The following AIF1L variants were observed in gnomAD, a reference collection of about 807,000 sequenced individuals.
The protein encoded by AIF1L is allograft inflammatory factor 1 like, also known as allograft inflammatory factor 1-like.
Under a neutral mutation model 20.7 loss-of-function variants are expected in AIF1L, and 12 were observed. The ratio of observed to expected loss-of-function variants is 0.58; its 90% CI spans 0.37 to 0.94. The LOEUF is 0.94. AIF1L is among the 40% of genes least tolerant of loss of function. The probability of loss-of-function intolerance (pLI) is 0.01; values close to 1 mark genes in which losing one functional copy is unlikely to be tolerated. For missense variants in AIF1L, 173 were observed against 185.3 expected (o/e 0.93, Z 0.39); for synonymous variants, 76 against 65.1 (o/e 1.17, Z -0.81).
At chr9:131,112,964 C>T (rs1830926595) in intron 3 of AIF1L, among the ~76,000 whole-genome samples, 1 of 152,122 alleles carries the variant, frequency 6.6e-6, no homozygotes, top group Non-Finnish European at 1.5e-5. Context: ...CTCATTTGTT[C>T]TCCAAATGCG....
intron 4 of AIF1L, among the ~76,000 whole-genome samples, chr9:131,114,868 A>G (rs749698704): frequency 6.6e-6 from 1 of 152,078 alleles, no homozygotes; most frequent in African/African-American, 2.4e-5. Context: ...ACGGGGACTC[A>G]GGACAGAGGG....
chr9:131,117,877 T>C lies in AIF1L; in HGVS notation c.324T>C (p.Phe108=), dbSNP rs917168943. ...GVSDTISYRD[F]VNMMLGKRSA... ...GTGACACTATATCCTACCGAGACTT[T>C]GTGAACATGATGCTGGGGAAACGGT... The change falls in exon 5 of 6, where the codon TTT becomes TTC. Residue 108 remains phenylalanine, a synonymous_variant. Transcript: ENST00000247291. 1.9e-6 allele frequency: 3 copies of C among 1,613,136 alleles called. No individual in the cohort carries two copies. Among genetic ancestry groups the C allele is most frequent in the African/African-American group, 1.3e-5 (1 of 74,842 alleles).
At chr9:131,102,423 T>C (rs1167130555) in intron 2 of AIF1L, among the ~76,000 whole-genome samples, 3 of 152,210 alleles carry the variant, frequency 2.0e-5, no homozygotes, top group Non-Finnish European at 4.4e-5. Context: ...GGCGAATGTA[T>C]GCAGCTGGCA....
rs543110553 is a variant in AIF1L at position 131,120,450 on chromosome 9, T to C, written c.*128T>C. 2 of 797,892 alleles carry C rather than the reference T, an allele frequency of 2.5e-6. No individual in the cohort carries two copies. Among genetic ancestry groups the C allele is most frequent in the South Asian group, 2.0e-5 (1 of 50,062 alleles). The allele number at this position is 797,892 out of a possible 1,614,324, so 49.4% of individuals were successfully genotyped here. ...CATTGAGGGTTTGTTTGTGTTTTCA[T>C]CAATGTCTTTGTAAAGCACAAATTA... On this transcript the variant is annotated 3_prime_UTR_variant, in exon 6 of 6. Transcript: ENST00000247291.
Position 131,120,795 on chromosome 9 carries a change from G to T in AIF1L, c.*473G>T. On this transcript the variant is annotated 3_prime_UTR_variant, in exon 6 of 6. Coordinates refer to ENST00000247291, the MANE Select transcript of AIF1L (RefSeq NM_031426.4). ...TTCGGGTTTCCTTGGACAGTGCCAT[G>T]GCTCCAGTGCTCTGGTGTCACCCAG... is the stretch of plus-strand genomic sequence containing the variant. 2.6e-6 allele frequency: 1 copy of T among 382,842 alleles called. No homozygotes were observed. Among genetic ancestry groups the T allele is most frequent in the Non-Finnish European group, 4.7e-6 (1 of 214,972 alleles). 23.7% of individuals were successfully genotyped at this position (382,842 alleles called of 1,614,324 possible).
At chr9:131,108,482 G>A (rs1304431571) in intron 2 of AIF1L, among the ~76,000 whole-genome samples, 1 of 152,180 alleles carries the variant, frequency 6.6e-6, no homozygotes, top group Non-Finnish European at 1.5e-5. Flanking sequence ...TTACAGACGT[G>A]AGCCACTCAC....
At position 131,111,653 on chromosome 9, in the gene AIF1L, A is replaced by G; in HGVS notation, c.150A>G (p.Thr50=). Residue 50 remains threonine (T), a synonymous_variant, in exon 3 of 6, where the codon ACA becomes ACG. Coordinates refer to ENST00000247291, the MANE Select transcript of AIF1L (RefSeq NM_031426.4). ...AAGAGAACCTTCCAGAAAAGCTCAC[A>G]GCCTTCAAAGGTAAGCTGGGGCGGG... The part of the protein sequence containing the change: ...SDEENLPEKL[T]AFKEKYMEFD... The G allele has an allele frequency of 1.2e-6, 2 of 1,614,032 alleles. No individual in the cohort carries two copies. Among genetic ancestry groups the G allele is most frequent in the Non-Finnish European group, 1.7e-6 (2 of 1,179,952 alleles).
chr9:131,115,123 C>T (rs1310946265), intron 4 of AIF1L, among the ~76,000 whole-genome samples: 1 of 152,166 alleles, frequency 6.6e-6, no homozygotes, highest in Non-Finnish European at 1.5e-5. Flanking sequence ...GTTTAATTAT[C>T]CCCATTTTAC....
At chr9:131,099,407 TG>T (rs1830592449) in intron 2 of AIF1L, among the ~76,000 whole-genome samples, 1 of 152,200 alleles carries the variant, frequency 6.6e-6, no homozygotes, top group South Asian at 2.1e-4. Context: ...CCCACGGCCA[TG>T]GGGGCAGTGC....
chr9:131,108,984 G>A (rs1453687163), intron 2 of AIF1L, among the ~76,000 whole-genome samples: 1 of 152,190 alleles, frequency 6.6e-6, no homozygotes, highest in South Asian at 2.1e-4. Flanking sequence ...TGAGTTCTCT[G>A]TCCTAAGAGA....
chr9:131,114,765 G>A lies in AIF1L; in HGVS notation c.202+147G>A, dbSNP rs938007886. 5.8e-6 allele frequency: 6 copies of A among 1,026,792 alleles called. No individual in the cohort carries two copies. The Admixed American group carries it at 1.1e-4, about 18-fold the overall frequency. The allele number at this position is 1,026,792 out of a possible 1,614,324, so 63.6% of individuals were successfully genotyped here. ...AGCCAGCCCCAGCCCCTTGCCTTCT[G>A]CCCTGGCACCACTGCCCTCAGACTC... On this transcript the variant is annotated intron_variant, in intron 4 of 5. Transcript: ENST00000247291.
At chr9:131,105,995 T>G (rs551457611) in intron 2 of AIF1L, among the ~76,000 whole-genome samples, 2 of 152,220 alleles carry the variant, frequency 1.3e-5, no homozygotes, top group African/African-American at 2.4e-5. Context: ...ATTTTTTAAT[T>G]TTTTGTAGAG....
At chr9:131,101,667 G>A (rs758319501) in intron 2 of AIF1L, among the ~76,000 whole-genome samples, 4 of 152,038 alleles carry the variant, frequency 2.6e-5, no homozygotes, top group Non-Finnish European at 4.4e-5. Context: ...TTAGAGATGA[G>A]GAAACAGGCT....
At chr9:131,100,188 T>A (rs1160789045) in intron 2 of AIF1L, among the ~76,000 whole-genome samples, 1 of 152,162 alleles carries the variant, frequency 6.6e-6, no homozygotes, top group Non-Finnish European at 1.5e-5. Context: ...ACTACAGGCA[T>A]GTGCCCCCAT....
chr9:131,115,829 C>T (rs1280033488), intron 4 of AIF1L, among the ~76,000 whole-genome samples: 1 of 151,872 alleles, frequency 6.6e-6, no homozygotes, highest in African/African-American at 2.4e-5. Context: ...CAAAAATTAG[C>T]CGGGCATGGT....
At chr9:131,111,511 GA>G in intron 2 of AIF1L, 85 bp from the exon 3 acceptor site, 1 of 1,264,100 alleles carries the variant, frequency 7.9e-7, no homozygotes, top group South Asian at 1.2e-5. Flanking sequence ...TACCCGATAG[GA>G]GGGAAGGCCC....
chr9:131,117,938 C>T lies in AIF1L; in HGVS notation c.365+20C>T. The T allele has an allele frequency of 6.3e-7, 1 of 1,589,314 alleles. No individual in the cohort carries two copies. Among genetic ancestry groups the T allele is most frequent in the African/African-American group, 1.3e-5 (1 of 74,352 alleles). On this transcript the variant is annotated intron_variant, in intron 5 of 5. Transcript: ENST00000247291. ...CAAGTTGTGAGTACCTCCTTCCTCC[C>T]TTGGGATCTCTGAAGGCAAAATCAT... is the stretch of plus-strand genomic sequence containing the variant.
intron 2 of AIF1L, among the ~76,000 whole-genome samples, chr9:131,103,549 C>A (rs887640029): frequency 9.2e-5 from 14 of 152,198 alleles, no homozygotes; most frequent in Non-Finnish European, 1.6e-4. Flanking sequence ...GGCACTAAGG[C>A]AGGAGGATAG....
rs538541332 is a variant in AIF1L, at chr9:131,121,308, A to G, written c.*986A>G. On this transcript the variant is annotated 3_prime_UTR_variant, in exon 6 of 6. Transcript: ENST00000247291. ...ACTCATTGACTCACTCATTCACCAG[A>G]TATTTATTGACCTGCTATTATAAGC... 5.2e-6 allele frequency: 3 copies of G among 573,110 alleles called. No homozygotes were observed. Among genetic ancestry groups the G allele is most frequent in the East Asian group, 2.9e-5 (1 of 34,398 alleles). 35.5% of individuals were successfully genotyped at this position (573,110 alleles called of 1,614,324 possible).
Sources: gnomAD v4.1 joint callset for allele counts (sites outside exome capture counted in the v4.1 genomes callset) on GRCh38, gnomAD v4.1.1 for gene constraint, MANE v1.5 for transcripts, NCBI Gene and HGNC (gene_info 2026-07-23, HGNC 2026-07-21) for gene names.